Variants in NAV2 observed in about 807,000 individuals in gnomAD.
NAV2 encodes the protein neuron navigator 2.
In NAV2, 54 loss-of-function variants were observed where a neutral mutation model predicts 223.2. That is an observed-to-expected ratio of 0.24 (90% CI 0.19 to 0.30). NAV2 has a LOEUF of 0.30. Among genes scored for constraint, NAV2 ranks in the 10% least tolerant of loss-of-function variants. NAV2 has a pLI of 1.00. For missense variants in NAV2, 2,806 were observed against 3,147.5 expected, an observed-to-expected ratio of 0.89 and a Z score of 2.60; for synonymous variants, 1,279 against 1,239.3, an observed-to-expected ratio of 1.03 and a Z score of -0.67.
rs193194638 is a variant in NAV2, at chr11:19,498,989, C to G, written c.75+147962C>G. The stretch of plus-strand genomic sequence containing the variant: ...TTTAAACTTCTCACCATGTTCCAGT[C>G]TGTGTTGTTGAAATTAAGTCCACGG... On this transcript the variant is annotated intron_variant, in intron 1 of 37. Transcript: ENST00000360655. 1.1e-4 allele frequency among the ~76,000 whole-genome samples: 17 copies of G among 152,322 alleles called. No individual in the cohort carries two copies. The East Asian group carries it at 3.1e-3, about 28-fold the overall frequency.
chr11:19,426,522 A>G lies in NAV2; in HGVS notation c.75+75495A>G, dbSNP rs148615685. ...AGATATTCCCTTGCCAAGCACAACA[A>G]CATCTACCCACAGTGGTTCTACTAA... On this transcript the variant is annotated intron_variant, in intron 1 of 37. Coordinates refer to the NAV2 transcript ENST00000360655. Among the ~76,000 whole-genome samples the G allele has an allele frequency of 5.3e-5, 8 of 152,324 alleles. No homozygotes were observed. In the East Asian group the frequency reaches 5.8e-4, roughly 11 times the overall value.
At chr11:19,811,153 C>G (rs959676955) in intron 1 of NAV2, among the ~76,000 whole-genome samples, 2 of 152,206 alleles carry the variant, frequency 1.3e-5, no homozygotes, top group Non-Finnish European at 2.9e-5. Context: ...TAAATATTAT[C>G]CAGTTCAGGG....
At chr11:20,040,389 G>A (rs1005391512) in intron 12 of NAV2, among the ~76,000 whole-genome samples, 3 of 152,208 alleles carry the variant, frequency 2.0e-5, no homozygotes, top group Non-Finnish European at 4.4e-5. Context: ...CCCCCACACT[G>A]AGTTCACTGA....
At chr11:20,047,690 C>T (rs949212866) in intron 14 of NAV2, among the ~76,000 whole-genome samples, 2 of 152,166 alleles carry the variant, frequency 1.3e-5, no homozygotes, top group Non-Finnish European at 2.9e-5. Context: ...CTTTCTGCCA[C>T]CACCCACTGT....
At position 20,103,721 on chromosome 11, in the gene NAV2, T is replaced by G; in HGVS notation, c.6641T>G (p.Phe2214Cys). Residue 2214 changes from phenylalanine (F) to cysteine (C), a missense_variant, in exon 34 of 38, where the codon TTC becomes TGC. Phe to Cys is a radical substitution (Grantham distance 205). Around this residue, in one of 4 missense-constraint regions of NAV2, gnomAD observed 824 missense variants for 1,069.4 expected, o/e 0.77. Transcript: ENST00000349880. The stretch of plus-strand genomic sequence containing the variant: ...CCCAACCTGCAGCTTCACCATAACT[T>G]CAGGTCAGTTTTCCCTTCCCTTGTC... ...STPNLQLHHN[F>C]RWVLCANHTE... is the part of the protein sequence containing the mutation. 1 of 1,614,026 alleles carries G rather than the reference T, an allele frequency of 6.2e-7. No homozygotes were observed. Among genetic ancestry groups the G allele is most frequent in the Non-Finnish European group, 8.5e-7 (1 of 1,179,864 alleles).
At chr11:19,703,392 G>A (rs1028219440) in intron 1 of NAV2, among the ~76,000 whole-genome samples, 33 of 152,232 alleles carry the variant, frequency 2.2e-4, no homozygotes, top group Admixed American at 7.2e-4. Context: ...TAGGCATGAA[G>A]GCTTCCAGGA....
At chr11:19,852,494 G>A (rs1265290861) in intron 3 of NAV2, among the ~76,000 whole-genome samples, 2 of 152,202 alleles carry the variant, frequency 1.3e-5, no homozygotes, top group African/African-American at 2.4e-5. Flanking sequence ...TACATACTAA[G>A]CTGTCATGGG....
chr11:19,785,909 A>T (rs1435599198), intron 1 of NAV2, among the ~76,000 whole-genome samples: 1 of 152,186 alleles, frequency 6.6e-6, no homozygotes, highest in East Asian at 1.9e-4. Context: ...TCCTGAATAC[A>T]TGCTACATGC....
At chr11:19,800,703 GTGTT>G (rs1476208911) in intron 1 of NAV2, among the ~76,000 whole-genome samples, 1 of 151,038 alleles carries the variant, frequency 6.6e-6, no homozygotes, top group Non-Finnish European at 1.5e-5. Context: ...GTGTGTGTGT[GTGTT>G]TGTATGCATG....
At chr11:19,522,220 G>A (rs2043682837) in intron 1 of NAV2, among the ~76,000 whole-genome samples, 1 of 152,016 alleles carries the variant, frequency 6.6e-6, no homozygotes, top group Non-Finnish European at 1.5e-5. Context: ...AGAACAGCAA[G>A]AAGGTGGGAG....
chr11:19,714,129 C>A, intron 1 of NAV2, 167 bp downstream of exon 1: 4 of 1,038,128 alleles, frequency 3.9e-6, no homozygotes, highest in South Asian at 1.5e-5. Flanking sequence ...GGAGAGTGGG[C>A]CGGCCGGTGG....
chr11:19,931,149 C>A (rs923710765), intron 6 of NAV2, among the ~76,000 whole-genome samples: 1 of 152,160 alleles, frequency 6.6e-6, no homozygotes. Flanking sequence ...GTGCTGAGCA[C>A]TGAGCCTCCT....
intron 1 of NAV2, among the ~76,000 whole-genome samples, chr11:19,419,382 A>G (rs948740500): frequency 4.6e-5 from 7 of 152,174 alleles, no homozygotes; most frequent in African/African-American, 1.7e-4. Context: ...GAGGAATCTC[A>G]TGAATATGAT....
chr11:19,553,178 T>TAGCC (rs1470989591), intron 1 of NAV2, among the ~76,000 whole-genome samples: 4 of 152,212 alleles, frequency 2.6e-5, no homozygotes, highest in Non-Finnish European at 5.9e-5. Context: ...TTTCAATGCA[T>TAGCC]AGCCCCATCT....
intron 1 of NAV2, among the ~76,000 whole-genome samples, chr11:19,616,387 T>C (rs941809115): frequency 1.3e-5 from 2 of 151,928 alleles, no homozygotes; most frequent in African/African-American, 4.8e-5. Context: ...TGTGTGTGTA[T>C]TGCAGCCTGT....
intron 6 of NAV2, among the ~76,000 whole-genome samples, chr11:19,916,214 C>T (rs543822204): frequency 6.6e-6 from 1 of 152,282 alleles, no homozygotes; most frequent in East Asian, 1.9e-4. Context: ...AAGCCAGTAA[C>T]ATCCACCATT....
chr11:19,700,248 A>T (rs2049473248), intron 1 of NAV2, among the ~76,000 whole-genome samples: 1 of 152,224 alleles, frequency 6.6e-6, no homozygotes, highest in Non-Finnish European at 1.5e-5. Context: ...ACTCTATTTT[A>T]CAGATGAGAA....
chr11:19,394,604 A>G (rs1170676847), intron 1 of NAV2, among the ~76,000 whole-genome samples: 1 of 152,208 alleles, frequency 6.6e-6, no homozygotes, highest in Non-Finnish European at 1.5e-5. Flanking sequence ...GGCACATTCA[A>G]ACAGGGATAT....
At position 20,048,957 on chromosome 11, in the gene NAV2, C is replaced by G. The variant is rs768992506; in HGVS notation, c.4132C>G (p.Pro1378Ala). ...CAGCCCCAGCTCAGCCCACTCGGCC[C>G]CTTCCAACAGCCTCACCTGGGGCAC... ...ASSPSSAHSAPSNSLTWGTNA... is the reference protein window; with the variant it reads ...ASSPSSAHSAASNSLTWGTNA... Residue 1378 changes from proline to alanine, a missense_variant, in exon 15 of 38, where the codon CCT becomes GCT. By Grantham distance (27) the Pro-to-Ala change is conservative. Around this residue, in one of 4 missense-constraint regions of NAV2, gnomAD observed 742 missense variants for 777.9 expected, o/e 0.95. Coordinates refer to ENST00000349880, the MANE Select transcript of NAV2 (RefSeq NM_145117.5). The G allele has an allele frequency of 4.3e-6, 7 of 1,614,060 alleles. No individual in the cohort carries two copies. The highest frequency in any genetic ancestry group is 1.7e-5 in the Admixed American group (1 of 59,994).
Sources: allele counts gnomAD v4.1 joint callset (sites outside exome capture counted in the v4.1 genomes callset), GRCh38; gene constraint gnomAD v4.1.1; regional missense constraint gnomAD v4.1.1; transcripts MANE v1.5; gene names NCBI Gene and HGNC (gene_info 2026-07-23, HGNC 2026-07-21).